ADGRL2: variants seen among roughly 807,000 people sequenced by gnomAD.
The protein encoded by ADGRL2 is adhesion G protein-coupled receptor L2.
A neutral mutation model predicts 157.4 loss-of-function variants in ADGRL2; 44 were observed. That is an observed-to-expected ratio of 0.28 (90% CI 0.22 to 0.36). ADGRL2 has a LOEUF of 0.36. ADGRL2 is among the 10% of genes least tolerant of loss of function. The pLI, the probability that ADGRL2 is intolerant of heterozygous loss-of-function variation, is 1.00. For missense variants in ADGRL2, 1,510 were observed against 1,768.9 expected (o/e 0.85, Z 2.63); for synonymous variants, 585 against 624.7 (o/e 0.94, Z 0.95).
At chr1:81,921,335 A>G (rs2094973180) in intron 3 of ADGRL2, among the ~76,000 whole-genome samples, 1 of 152,218 alleles carries the variant, frequency 6.6e-6, no homozygotes, top group Non-Finnish European at 1.5e-5. Flanking sequence ...ACCTCAGTCT[A>G]TTAATATGTT....
chr1:81,341,187 C>T (rs1164345079), intron 1 of ADGRL2, among the ~76,000 whole-genome samples: 1 of 152,060 alleles, frequency 6.6e-6, no homozygotes, highest in Non-Finnish European at 1.5e-5. Context: ...GGGCTGAATC[C>T]TTTGCCTATA....
At chr1:81,641,554 A>T (rs2082219085) in intron 3 of ADGRL2, among the ~76,000 whole-genome samples, 3 of 152,208 alleles carry the variant, frequency 2.0e-5, no homozygotes, top group Admixed American at 2.0e-4. Flanking sequence ...AAACTTAGAG[A>T]CTGAACAAGC....
intron 2 of ADGRL2, among the ~76,000 whole-genome samples, chr1:81,506,608 G>A (rs974861630): frequency 3.3e-5 from 5 of 151,962 alleles, no homozygotes; most frequent in African/African-American, 1.2e-4. Context: ...TACTCAGGAG[G>A]CTGAGGCAAG....
At chr1:81,422,391 C>T (rs886821551) in intron 1 of ADGRL2, among the ~76,000 whole-genome samples, 11 of 152,170 alleles carry the variant, frequency 7.2e-5, no homozygotes, top group Non-Finnish European at 1.5e-4. Flanking sequence ...ATTACAGGCA[C>T]ATGCCACCAT....
intron 23 of ADGRL2, chr1:81,988,325 G>A (rs757422284): frequency 6.6e-6 from 1 of 152,002 alleles, no homozygotes; most frequent in Non-Finnish European, 1.5e-5. Context: ...AAGACCTTTT[G>A]GATTATATCC....
chr1:81,322,884 G>A (rs1010114188), intron 1 of ADGRL2, among the ~76,000 whole-genome samples: 1 of 152,074 alleles, frequency 6.6e-6, no homozygotes, highest in African/African-American at 2.4e-5. Flanking sequence ...TTGAGACACG[G>A]CCTCACTCTG....
At position 81,942,050 on chromosome 1, in the gene ADGRL2, A is replaced by C. The variant is rs1648189439; in HGVS notation, c.409+5A>C. ...AAATAGAAGTGGAGCAAAAAGGTAAATAACATACAGTCTGAACCCCAGCTC... is the reference window on the plus strand; with the variant it reads ...AAATAGAAGTGGAGCAAAAAGGTAACTAACATACAGTCTGAACCCCAGCTC... On this transcript the variant is annotated splice_donor_5th_base_variant and intron_variant, in intron 5 of 23. Transcript: ENST00000686636. The C allele has an allele frequency of 7.8e-6, 6 of 770,696 alleles. No individual in the cohort carries two copies. The highest frequency in any genetic ancestry group is 1.5e-5 in the Non-Finnish European group (6 of 413,334). 47.7% of individuals were successfully genotyped at this position (770,696 alleles called of 1,614,324 possible).
intron 23 of ADGRL2, 155 bp from the exon 24 acceptor site, chr1:81,990,236 C>A: frequency 1.0e-6 from 1 of 985,368 alleles, no homozygotes; most frequent in Non-Finnish European, 1.2e-6. Context: ...CAACTATTTA[C>A]AGTTGGGAAT....
intron 3 of ADGRL2, among the ~76,000 whole-genome samples, chr1:81,916,779 A>G (rs988093464): frequency 6.6e-6 from 1 of 152,008 alleles, no homozygotes; most frequent in Non-Finnish European, 1.5e-5. Context: ...AGACTTTTCC[A>G]TTCTAATTAT....
chr1:81,426,190 T>G (rs1040032712), intron 1 of ADGRL2, among the ~76,000 whole-genome samples: 1 of 152,170 alleles, frequency 6.6e-6, no homozygotes. Context: ...GACCTAATGA[T>G]AAACTGGGCA....
chr1:81,521,967 G>GTTT (rs200860680), intron 2 of ADGRL2, among the ~76,000 whole-genome samples: 5 of 139,424 alleles, frequency 3.6e-5, no homozygotes, highest in African/African-American at 1.3e-4. Context: ...TGTACTTTTT[G>GTTT]TTTTTTTTTT....
At chr1:81,313,192 T>C (rs1659870510) in intron 1 of ADGRL2, among the ~76,000 whole-genome samples, 1 of 152,158 alleles carries the variant, frequency 6.6e-6, no homozygotes, top group African/African-American at 2.4e-5. Context: ...TTCATTTTAT[T>C]TTGTAGCTAA....
intron 1 of ADGRL2, among the ~76,000 whole-genome samples, chr1:81,419,755 T>A (rs1293304025): frequency 3.3e-5 from 5 of 152,202 alleles, no homozygotes; most frequent in Admixed American, 6.5e-5. Context: ...GACCCTGGCT[T>A]TGAGAATCAC....
intron 3 of ADGRL2, among the ~76,000 whole-genome samples, chr1:81,656,822 C>G (rs1330048789): frequency 6.6e-6 from 1 of 151,808 alleles, no homozygotes; most frequent in Admixed American, 6.6e-5. Flanking sequence ...ACAGCCTGGG[C>G]AACATGGCAA....
At chr1:81,957,888 G>A (rs771014277) in intron 11 of ADGRL2, among the ~76,000 whole-genome samples, 11 of 151,738 alleles carry the variant, frequency 7.2e-5, no homozygotes, top group African/African-American at 2.2e-4. Context: ...TTTTACGGCC[G>A]GGCATGGTGG....
chr1:81,746,958 G>A (rs1034127970), intron 1 of ADGRL2, among the ~76,000 whole-genome samples: 15 of 137,826 alleles, frequency 1.1e-4, no homozygotes, highest in South Asian at 2.3e-4. Context: ...ATGTATATAC[G>A]TATATACACA....
In ADGRL2 at chr1:81,990,600, C is replaced by A. The variant is rs1490258060; in HGVS notation, c.3865C>A (p.His1289Asn). The change falls in exon 24 of 24, where the codon CAC becomes AAC. Residue 1289 changes from histidine to asparagine, a missense_variant. His to Asn is a moderately conservative substitution (Grantham distance 68, BLOSUM62 1). Around this residue, in one of 4 missense-constraint regions of ADGRL2, gnomAD observed 327 missense variants for 310.1 expected, o/e 1.05. Coordinates refer to ENST00000686636, the MANE Select transcript of ADGRL2 (RefSeq NM_001366006.2). ...CAACTTACGGGGCAGCAGCAAGACT[C>A]ACAACCTCGAGCTCACGCTACCAGT... ...HNNLRGSSKT[H>N]NLELTLPVKP... is the part of the protein sequence containing the mutation. 1 of 1,614,020 alleles carries A rather than the reference C, an allele frequency of 6.2e-7. No individual in the cohort carries two copies. Among genetic ancestry groups the A allele is most frequent in the African/African-American group, 1.3e-5 (1 of 74,906 alleles).
intron 3 of ADGRL2, among the ~76,000 whole-genome samples, chr1:81,632,556 A>C (rs764647614): frequency 6.6e-6 from 1 of 152,106 alleles, no homozygotes; most frequent in African/African-American, 2.4e-5. Flanking sequence ...CAGGAGATCG[A>C]GACCATCCTG....
At chr1:81,490,130 CTTTT>C (rs59757979) in intron 2 of ADGRL2, among the ~76,000 whole-genome samples, 4 of 132,470 alleles carry the variant, frequency 3.0e-5, no homozygotes, top group Non-Finnish European at 4.8e-5. Context: ...TTAACATATT[CTTTT>C]TTTTTTTTTT....
Sources: allele counts gnomAD v4.1 joint callset (sites outside exome capture counted in the v4.1 genomes callset), GRCh38; gene constraint gnomAD v4.1.1; regional missense constraint gnomAD v4.1.1; transcripts MANE v1.5; gene names NCBI Gene and HGNC (gene_info 2026-07-23, HGNC 2026-07-21).